CCDC83: variants seen among roughly 807,000 people sequenced by gnomAD.
CCDC83 encodes the protein coiled-coil domain containing 83, also known as coiled-coil domain-containing protein 83.
A neutral mutation model predicts 50.1 loss-of-function variants in CCDC83; 54 were observed. The observed-to-expected ratio is 1.08, with a 90% CI of 0.87 to 1.35. The LOEUF (loss-of-function observed/expected upper bound fraction) is 1.35, where lower values mean the gene tolerates loss of function less well. CCDC83 is among the 40% of genes most tolerant of loss of function. The pLI is 0.00. For synonymous variants in CCDC83, 161 were observed against 153.3 expected (o/e 1.05, Z -0.37); for missense variants, 518 against 473.9 (o/e 1.09, Z -0.86).
rs112533815 is a variant in CCDC83, at chr11:85,875,633, G to C, written c.180+2338G>C. Among the ~76,000 whole-genome samples the C allele has an allele frequency of 1.1e-3, 171 of 152,270 alleles. 1 individual carries two copies. Among genetic ancestry groups the C allele is most frequent in the African/African-American group, 4.0e-3 (165 of 41,562 alleles). ...CCAGTCTTACTTCTTTGTTTCTCCA[G>C]AAGAGTCCAGCTTAAGTAGGTGTTC... On this transcript the variant is annotated intron_variant, in intron 3 of 10. Transcript: ENST00000342404.
At chr11:85,916,277 G>A in intron 10 of CCDC83, 44 bp downstream of exon 10, 2 of 1,331,182 alleles carry the variant, frequency 1.5e-6, no homozygotes, top group Non-Finnish European at 2.1e-6. Flanking sequence ...AGAAAATGCT[G>A]TTTTGAGAAA....
At chr11:85,861,451 A>C (rs2093175727) in intron 1 of CCDC83, among the ~76,000 whole-genome samples, 1 of 152,204 alleles carries the variant, frequency 6.6e-6, no homozygotes, top group African/African-American at 2.4e-5. Flanking sequence ...GACTCCTAGC[A>C]CCCAAATAGA....
chr11:85,899,103 A>G (rs2093388775), intron 7 of CCDC83, 88 bp downstream of exon 7: 8 of 956,006 alleles, frequency 8.4e-6, no homozygotes, highest in African/African-American at 1.6e-5. Flanking sequence ...AAGTCATGGG[A>G]AAAGCATGGT....
intron 5 of CCDC83, among the ~76,000 whole-genome samples, chr11:85,893,128 G>A (rs2093357728): frequency 6.6e-6 from 1 of 152,094 alleles, no homozygotes; most frequent in Non-Finnish European, 1.5e-5. Flanking sequence ...GCCAATATTT[G>A]CTTTCTGGTG....
At chr11:85,918,204 C>G (rs1281855297) in intron 10 of CCDC83, among the ~76,000 whole-genome samples, 2 of 152,128 alleles carry the variant, frequency 1.3e-5, no homozygotes, top group Admixed American at 1.3e-4. Flanking sequence ...AGGGAGAGAA[C>G]AGCAAGAAAT....
intron 1 of CCDC83, among the ~76,000 whole-genome samples, chr11:85,863,613 TGC>T (rs2093190279): frequency 6.6e-6 from 1 of 152,248 alleles, no homozygotes; most frequent in Admixed American, 6.5e-5. Flanking sequence ...AGTCTGAGTG[TGC>T]AGGCAGCATG....
At chr11:85,916,570 C>G (rs968120665) in intron 10 of CCDC83, 5 of 301,624 alleles carry the variant, frequency 1.7e-5, no homozygotes, top group Non-Finnish European at 3.1e-5. Flanking sequence ...AAGGGCTCCA[C>G]TAGACAGTTC....
chr11:85,913,364 C>A (rs2093463649), intron 8 of CCDC83, among the ~76,000 whole-genome samples: 1 of 152,152 alleles, frequency 6.6e-6, no homozygotes, highest in African/African-American at 2.4e-5. Flanking sequence ...TTTAGAAAGA[C>A]CTGCATAAAG....
At chr11:85,896,082 G>A (rs2093373677) in intron 6 of CCDC83, among the ~76,000 whole-genome samples, 1 of 152,028 alleles carries the variant, frequency 6.6e-6, no homozygotes, top group African/African-American at 2.4e-5. Context: ...TCAGATTCCG[G>A]AATATTTGTA....
At chr11:85,912,394 T>C (rs1430824730) in intron 8 of CCDC83, among the ~76,000 whole-genome samples, 7 of 152,148 alleles carry the variant, frequency 4.6e-5, no homozygotes, top group African/African-American at 1.7e-4. Context: ...GGATACAAGA[T>C]TAGAGAAATT....
chr11:85,910,893 C>G (rs1289024009), intron 7 of CCDC83, among the ~76,000 whole-genome samples: 2 of 152,104 alleles, frequency 1.3e-5, no homozygotes, highest in Non-Finnish European at 2.9e-5. Context: ...AGAACTTGGC[C>G]AGTCATGGTG....
At chr11:85,855,854 T>A (rs2093136797) in intron 1 of CCDC83, among the ~76,000 whole-genome samples, 1 of 152,058 alleles carries the variant, frequency 6.6e-6, no homozygotes, top group African/African-American at 2.4e-5. Flanking sequence ...AAATTCTGAG[T>A]CTAGTGAATG....
chr11:85,915,961 T>G (rs2135151797), intron 9 of CCDC83, 67 bp from the exon 10 acceptor site: 2 of 1,037,502 alleles, frequency 1.9e-6, no homozygotes, highest in Middle Eastern at 4.0e-4. Flanking sequence ...TGACAAAGTA[T>G]GTATTGCATT....
At chr11:85,869,394 C>T (rs1015928473) in intron 2 of CCDC83, among the ~76,000 whole-genome samples, 1 of 151,974 alleles carries the variant, frequency 6.6e-6, no homozygotes, top group South Asian at 2.1e-4. Context: ...CAGTTTTCTA[C>T]AATGAATATG....
At chr11:85,864,818 G>A (rs866581636) in intron 1 of CCDC83, among the ~76,000 whole-genome samples, 1 of 152,166 alleles carries the variant, frequency 6.6e-6, no homozygotes, top group Middle Eastern at 3.4e-3. Context: ...ACCTAGATAC[G>A]GGCAACAGAT....
At chr11:85,888,713 T>C (rs907421157) in intron 5 of CCDC83, among the ~76,000 whole-genome samples, 4 of 152,172 alleles carry the variant, frequency 2.6e-5, no homozygotes, top group African/African-American at 9.6e-5. Flanking sequence ...GTTTTTATAT[T>C]TAAGTCTTTG....
chr11:85,892,044 C>A (rs1026489245), intron 5 of CCDC83, among the ~76,000 whole-genome samples: 1 of 152,202 alleles, frequency 6.6e-6, no homozygotes. Flanking sequence ...GCCACTGCCA[C>A]AGGAGAGGGT....
intron 1 of CCDC83, among the ~76,000 whole-genome samples, chr11:85,864,842 A>C (rs566643592): frequency 1.3e-5 from 2 of 152,218 alleles, no homozygotes; most frequent in African/African-American, 4.8e-5. Flanking sequence ...GATGAATAAC[A>C]TAAGAGAGGG....
intron 1 of CCDC83, among the ~76,000 whole-genome samples, chr11:85,860,319 AAAAG>A (rs1323783119): frequency 2.0e-5 from 3 of 151,528 alleles, no homozygotes; most frequent in Non-Finnish European, 4.4e-5. Context: ...AAAAAAAAAA[AAAAG>A]AAGGCAAAGA....
Sources: gnomAD v4.1 joint callset for allele counts (sites outside exome capture counted in the v4.1 genomes callset) on GRCh38, gnomAD v4.1.1 for gene constraint, MANE v1.5 for transcripts, NCBI Gene and HGNC (gene_info 2026-07-23, HGNC 2026-07-21) for gene names.